The following PPARA variants were observed in gnomAD, a reference collection of about 807,000 sequenced individuals.
PPARA encodes peroxisome proliferator-activated receptor alpha.
Under a neutral mutation model 42.2 loss-of-function variants are expected in PPARA, and 22 were observed. The observed-to-expected ratio is 0.52, with a 90% CI of 0.37 to 0.74. PPARA has a LOEUF of 0.74. Ranked by LOEUF, PPARA falls within the 30% of genes least tolerant of loss-of-function variation. The pLI, the probability that PPARA is intolerant of heterozygous loss-of-function variation, is 0.00. For synonymous variants in PPARA, 242 were observed against 239.3 expected (o/e 1.01, Z -0.10); for missense variants, 465 against 608.2 (o/e 0.76, Z 2.48).
At chr22:46,176,036 G>A (rs1372609856) in intron 2 of PPARA, 5 of 152,262 alleles carry the variant, frequency 3.3e-5, no homozygotes, top group African/African-American at 1.2e-4. Flanking sequence ...ACACTTGGAA[G>A]GCTGAGGTAG....
At position 46,233,247 on chromosome 22, in the gene PPARA, G is replaced by A. The variant is rs1343119873; in HGVS notation, c.1159+1008G>A. ...AGTCAGCAGCCAAGTGGCAGTGACT[G>A]CAAGGTTTGCTTTGCCCGAGGAAGC... On this transcript the variant is annotated intron_variant, in intron 8 of 8. Transcript: ENST00000407236. This position sits in a 1 kb window ranked among gnomAD's most constrained non-coding sequence, Gnocchi z 7.3. 1.3e-5 allele frequency among the ~76,000 whole-genome samples: 2 copies of A among 152,148 alleles called. No homozygotes were observed. Among genetic ancestry groups the A allele is most frequent in the African/African-American group, 4.8e-5 (2 of 41,438 alleles).
In PPARA at chr22:46,156,506, A is replaced by G. The variant is rs1925318350; in HGVS notation, c.-127+4536A>G. On this transcript the variant is annotated intron_variant, in intron 2 of 8. Transcript: ENST00000407236. This position sits in a 1 kb window ranked among gnomAD's most constrained non-coding sequence, Gnocchi z 5.2. The stretch of plus-strand genomic sequence containing the variant: ...AAAGGCTTTCAGAAAGCAACATGCT[A>G]CCGTACCCCTTATACACCAAAACTG... 1 of 152,246 alleles carries G rather than the reference A, an allele frequency of 6.6e-6. No individual in the cohort carries two copies. Among genetic ancestry groups the G allele is most frequent in the African/African-American group, 2.4e-5 (1 of 41,464 alleles). 9.4% of individuals were successfully genotyped at this position (152,246 alleles called of 1,614,324 possible). A position where few individuals can be genotyped will look rare whatever the true frequency, so the allele number is the denominator to read the frequency against.
Position 46,185,958 on chromosome 22 carries a change from T to TACAC in PPARA, c.-43+9123_-43+9124insCACA, listed in dbSNP as rs1569207905. On this transcript the variant is annotated intron_variant, in intron 3 of 8. Transcript: ENST00000407236. ...ATATATATATATATATATATATATA[T>TACAC]ATATATACACACACACTAACCTTCA... is the stretch of plus-strand genomic sequence containing the variant. Among the ~76,000 whole-genome samples the TACAC allele has an allele frequency of 6.3e-4, 34 of 54,080 alleles. 2 individuals carry two copies. The highest frequency in any genetic ancestry group is 4.9e-4 in the African/African-American group (7 of 14,298). 35.5% of individuals were successfully genotyped at this position (54,080 alleles called of 152,430 possible).
rs201748472 is a variant in PPARA at position 46,225,749 on chromosome 22, ACACT to A, written c.711+5739_711+5742del. ...CAAGCATCCATGCTCACATGGGTAC[ACACT>A]CACACATCCATGCATGCACGTGTAA... is the stretch of plus-strand genomic sequence containing the variant. On this transcript the variant is annotated intron_variant, in intron 7 of 8. Coordinates refer to ENST00000407236, the MANE Select transcript of PPARA (RefSeq NM_005036.6). This position sits in a 1 kb window ranked among gnomAD's most constrained non-coding sequence, Gnocchi z 4.1. 0.082 allele frequency among the ~76,000 whole-genome samples: 12,321 copies of A among 150,938 alleles called. 592 individuals carry two copies. The highest frequency in any genetic ancestry group is 0.11 in the Non-Finnish European group (7,599 of 67,754).
rs756154676 is a variant in PPARA at position 46,198,421 on chromosome 22, C to T, written c.38C>T (p.Pro13Leu). Residue 13 changes from proline to leucine, a missense_variant, in exon 4 of 9, where the codon CCA (proline) becomes CTA (leucine). Pro to Leu is a moderately conservative substitution (Grantham distance 98). Around this residue, in one of 2 missense-constraint regions of PPARA, gnomAD observed 152 missense variants for 139.1 expected, o/e 1.09. Coordinates refer to ENST00000407236, the MANE Select transcript of PPARA (RefSeq NM_005036.6). ...GAAAGCCCACTCTGCCCCCTCTCCCCACTCGAGGCCGGCGATCTAGAGAGC... is the reference window on the plus strand; with the variant it reads ...GAAAGCCCACTCTGCCCCCTCTCCCTACTCGAGGCCGGCGATCTAGAGAGC... ...DTESPLCPLS[P>L]LEAGDLESPL... The T allele has an allele frequency of 2.5e-6, 4 of 1,613,774 alleles. No individual in the cohort carries two copies. Among genetic ancestry groups the T allele is most frequent in the African/African-American group, 2.7e-5 (2 of 74,848 alleles).
chr22:46,170,273 C>T (rs1231488165), intron 2 of PPARA, among the ~76,000 whole-genome samples: 16 of 151,362 alleles, frequency 1.1e-4, no homozygotes, highest in Admixed American at 6.6e-5. Context: ...TGTTGAGACA[C>T]GGTCTTACTC....
intron 1 of PPARA, among the ~76,000 whole-genome samples, chr22:46,151,394 C>G (rs1269160314): frequency 1.3e-5 from 2 of 152,204 alleles, no homozygotes; most frequent in South Asian, 2.1e-4. Context: ...TCCGGAGTCC[C>G]GGGCTGCGCG....
rs1927222773 is a variant in PPARA, at chr22:46,167,306, A to G, written c.-126-9447A>G. Among the ~76,000 whole-genome samples, 1 of 151,402 alleles carries G rather than the reference A, an allele frequency of 6.6e-6. No homozygotes were observed. The highest frequency in any genetic ancestry group is 2.4e-5 in the African/African-American group (1 of 41,240). On this transcript the variant is annotated intron_variant, in intron 2 of 8. Transcript: ENST00000407236. The surrounding 1 kb of genome is among the most constrained non-coding windows in gnomAD (Gnocchi z 4.1). The stretch of plus-strand genomic sequence containing the variant: ...TATATTATGTAATATATATTATATG[A>G]TACTGTTATGTCATATAATTATTAT...
chr22:46,174,381 G>A (rs952589204), intron 2 of PPARA, among the ~76,000 whole-genome samples: 2 of 151,844 alleles, frequency 1.3e-5, no homozygotes, highest in Non-Finnish European at 2.9e-5. Flanking sequence ...ATAAGTGAAA[G>A]TACTTCCAAA....
chr22:46,173,524 G>C lies in PPARA; in HGVS notation c.-126-3229G>C, dbSNP rs752097837. 1.2e-4 allele frequency among the ~76,000 whole-genome samples: 18 copies of C among 152,162 alleles called. No individual in the cohort carries two copies. Among genetic ancestry groups the C allele is most frequent in the Non-Finnish European group, 2.5e-4 (17 of 68,030 alleles). ...AGTACTAAGGCAGCTGCTACATTCTGTTTGCCAAGGGGAAGAAGAAAGCTT... is the reference window on the plus strand; with the variant it reads ...AGTACTAAGGCAGCTGCTACATTCTCTTTGCCAAGGGGAAGAAGAAAGCTT... On this transcript the variant is annotated intron_variant, in intron 2 of 8. Transcript: ENST00000407236. This position sits in a 1 kb window ranked among gnomAD's most constrained non-coding sequence, Gnocchi z 4.3.
intron 2 of PPARA, among the ~76,000 whole-genome samples, chr22:46,152,264 G>A (rs1924560906): frequency 6.7e-6 from 1 of 149,392 alleles, no homozygotes; most frequent in Admixed American, 6.8e-5. Context: ...TCAGCCTCCC[G>A]AGTAGCTGGG....
chr22:46,188,735 CT>C lies in PPARA; in HGVS notation c.-42-9606del, dbSNP rs1240408292. On this transcript the variant is annotated intron_variant, in intron 3 of 8. Transcript: ENST00000407236. This position sits in a 1 kb window ranked among gnomAD's most constrained non-coding sequence, Gnocchi z 5.0. ...CTTCCCGTGCCAGTGCCACACCCCC[CT>C]GTCCCAGTGCACTGGGGCTGTGGAT... 6.6e-6 allele frequency: 1 copy of C among 152,258 alleles called. No homozygotes were observed. The highest frequency in any genetic ancestry group is 1.5e-5 in the Non-Finnish European group (1 of 68,066). 9.4% of individuals were successfully genotyped at this position (152,258 alleles called of 1,614,324 possible).
In PPARA at chr22:46,161,789, G is replaced by T. The variant is rs12160659; in HGVS notation, c.-127+9819G>T. The stretch of plus-strand genomic sequence containing the variant: ...CGACTGTGTGTGTGCGACTTCCTCA[G>T]AGCCCTCAGTGGCGTTCCCTTTTCC... On this transcript the variant is annotated intron_variant, in intron 2 of 8. Coordinates refer to ENST00000407236, the MANE Select transcript of PPARA (RefSeq NM_005036.6). The surrounding 1 kb of genome is among the most constrained non-coding windows in gnomAD (Gnocchi z 4.8). 0.071 allele frequency among the ~76,000 whole-genome samples: 10,844 copies of T among 152,226 alleles called. 1,265 individuals are homozygous for T. The highest frequency in any genetic ancestry group is 0.24 in the African/African-American group (9,996 of 41,494).
At position 46,230,989 on chromosome 22, in the gene PPARA, G is replaced by T. The variant is rs1024766317; in HGVS notation, c.712-803G>T. ...CAGAGAATATTTAAGAATATTAAAG[G>T]TGCTTTGCTAATGTCCTCGTTAGTT... On this transcript the variant is annotated intron_variant, in intron 7 of 8. Transcript: ENST00000407236. The surrounding 1 kb of genome is among the most constrained non-coding windows in gnomAD (Gnocchi z 5.0). 3.3e-5 allele frequency among the ~76,000 whole-genome samples: 5 copies of T among 152,154 alleles called. No individual in the cohort carries two copies. The highest frequency in any genetic ancestry group is 5.9e-5 in the Non-Finnish European group (4 of 68,024).
chr22:46,239,198 A>G lies in PPARA; in HGVS notation c.*3818A>G, dbSNP rs1936301685. 6.6e-6 allele frequency: 1 copy of G among 151,610 alleles called. No individual in the cohort carries two copies. The highest frequency in any genetic ancestry group is 6.6e-5 in the Admixed American group (1 of 15,206). 9.4% of individuals were successfully genotyped at this position (151,610 alleles called of 1,614,324 possible). A position where few individuals can be genotyped will look rare whatever the true frequency, so the allele number is the denominator to read the frequency against. On this transcript the variant is annotated 3_prime_UTR_variant, in exon 9 of 9. Coordinates refer to ENST00000407236, the MANE Select transcript of PPARA (RefSeq NM_005036.6). ...CGTTTCTTACACTGGGCCATTTTAG[A>G]CCCCCAGGGAAACAGCCTTCCTGGA... is the stretch of plus-strand genomic sequence containing the variant.
rs998475306 is a variant in PPARA at position 46,160,155 on chromosome 22, G to A, written c.-127+8185G>A. ...TTCCCAGCTAAGGGTGGCAGCTGGC[G>A]GGGATCTTTCCAGCAGAAAGCTGTA... On this transcript the variant is annotated intron_variant, in intron 2 of 8. Transcript: ENST00000407236. The surrounding 1 kb of genome is among the most constrained non-coding windows in gnomAD (Gnocchi z 4.5). Among the ~76,000 whole-genome samples the A allele has an allele frequency of 2.0e-5, 3 of 152,202 alleles. No homozygotes were observed. The highest frequency in any genetic ancestry group is 4.8e-5 in the African/African-American group (2 of 41,446).
At chr22:46,154,031 G>A (rs1924879076) in intron 2 of PPARA, among the ~76,000 whole-genome samples, 1 of 152,140 alleles carries the variant, frequency 6.6e-6, no homozygotes, top group South Asian at 2.1e-4. Context: ...ATCCCATTGT[G>A]TTTAGATACA....
rs1935791144 is a variant in PPARA at position 46,230,477 on chromosome 22, C to T, written c.712-1315C>T. Among the ~76,000 whole-genome samples the T allele has an allele frequency of 6.6e-6, 1 of 152,236 alleles. No individual in the cohort carries two copies. The highest frequency in any genetic ancestry group is 2.4e-5 in the African/African-American group (1 of 41,462). On this transcript the variant is annotated intron_variant, in intron 7 of 8. Transcript: ENST00000407236. This position sits in a 1 kb window ranked among gnomAD's most constrained non-coding sequence, Gnocchi z 5.0. ...GAGATCTCTCAGATGTTGTCACTTTCCTGCTCTACCCGCAGATGTAAATTT... is the reference window on the plus strand; with the variant it reads ...GAGATCTCTCAGATGTTGTCACTTTTCTGCTCTACCCGCAGATGTAAATTT...
chr22:46,153,685 C>T (rs529049045), intron 2 of PPARA, among the ~76,000 whole-genome samples: 37 of 151,916 alleles, frequency 2.4e-4, no homozygotes, highest in Non-Finnish European at 4.9e-4. Flanking sequence ...ATGGTGAAAC[C>T]CTGTCTCTAC....
Sources: gnomAD v4.1 joint callset for allele counts (sites outside exome capture counted in the v4.1 genomes callset) on GRCh38, gnomAD v4.1.1 for gene constraint, gnomAD v4.1.1 regional missense constraint, Gnocchi (gnomAD v3.1) non-coding constraint, MANE v1.5 for transcripts, NCBI Gene and HGNC (gene_info 2026-07-23, HGNC 2026-07-21) for gene names.